POC1B: variants seen among roughly 807,000 people sequenced by gnomAD.
POC1B encodes POC1 centriolar protein homolog B.
POC1B carries 44 observed loss-of-function variants against 60.6 expected under a neutral mutation model. The observed-to-expected ratio is 0.73, with a 90% CI of 0.57 to 0.93. The LOEUF (loss-of-function observed/expected upper bound fraction) is 0.93, where lower values mean the gene tolerates loss of function less well. Ranked by LOEUF, POC1B falls within the 40% of genes least tolerant of loss-of-function variation. The pLI is 0.00. For synonymous variants in POC1B, 180 were observed against 198.9 expected, an observed-to-expected ratio of 0.90 and a Z score of 0.80; for missense variants, 555 against 572.3, an observed-to-expected ratio of 0.97 and a Z score of 0.31.
intron 2 of POC1B, chr12:89,502,090 T>C (rs1040093250): frequency 5.4e-6 from 6 of 1,108,182 alleles, no homozygotes; most frequent in African/African-American, 1.5e-5. Context: ...TGGATATACA[T>C]GTAATACACC....
At chr12:89,461,844 C>G (rs1882497770) in intron 9 of POC1B, 2 of 152,194 alleles carry the variant, frequency 1.3e-5, no homozygotes, top group Admixed American at 6.5e-5. Context: ...GCCATTAACT[C>G]TAAGTCCAGA....
chr12:89,514,402 CTTTTTT>C (rs60679774), intron 2 of POC1B, among the ~76,000 whole-genome samples: 14 of 67,092 alleles, frequency 2.1e-4, no homozygotes, highest in African/African-American at 4.8e-4. Flanking sequence ...TCATGTATTT[CTTTTTT>C]TTTTTTTTTT....
At chr12:89,465,803 C>T (rs954696325) in intron 9 of POC1B, among the ~76,000 whole-genome samples, 6 of 152,046 alleles carry the variant, frequency 3.9e-5, no homozygotes, top group African/African-American at 1.2e-4. Flanking sequence ...AGGCAGAAAT[C>T]CCAAGATATG....
intron 2 of POC1B, among the ~76,000 whole-genome samples, chr12:89,513,318 A>C (rs931829178): frequency 1.3e-5 from 2 of 152,162 alleles, no homozygotes; most frequent in African/African-American, 2.4e-5. Context: ...AAGTAACTAA[A>C]AAGTTCAAAT....
At chr12:89,488,841 G>C (rs999669990) in intron 4 of POC1B, among the ~76,000 whole-genome samples, 2 of 152,092 alleles carry the variant, frequency 1.3e-5, no homozygotes, top group Non-Finnish European at 2.9e-5. Flanking sequence ...ATTTTGCTTA[G>C]TTAAATCAAC....
chr12:89,464,109 C>T lies in POC1B; in HGVS notation c.1032+2661G>A, dbSNP rs984785718. On this transcript the variant is annotated intron_variant, in intron 9 of 11. Coordinates refer to ENST00000313546, the MANE Select transcript of POC1B (RefSeq NM_172240.3). ...GTTCACTTAGATACCATTTATTCTA[C>T]ATATTTTAATAAGATGTTTATTTTC... Among the ~76,000 whole-genome samples the T allele has an allele frequency of 3.9e-5, 6 of 152,260 alleles. No individual in the cohort carries two copies. In the South Asian group the frequency reaches 1.2e-3, roughly 32 times the overall value.
At chr12:89,479,690 T>C (rs1883247080) in intron 4 of POC1B, among the ~76,000 whole-genome samples, 2 of 150,256 alleles carry the variant, frequency 1.3e-5, no homozygotes, top group African/African-American at 4.9e-5. Context: ...AACAAACTCA[T>C]AGAAAGTACT....
At chr12:89,459,111 A>G (rs1882371570) in intron 10 of POC1B, among the ~76,000 whole-genome samples, 1 of 152,076 alleles carries the variant, frequency 6.6e-6, no homozygotes, top group African/African-American at 2.4e-5. Context: ...AAATAACACA[A>G]TAGGGAATCT....
intron 10 of POC1B, among the ~76,000 whole-genome samples, chr12:89,453,831 TTCTC>T (rs1466375146): frequency 8.5e-5 from 13 of 152,356 alleles, no homozygotes; most frequent in Non-Finnish European, 1.8e-4. Context: ...CATGGAAATA[TTCTC>T]TCTGTGTCTG....
chr12:89,416,359 T>C (rs1880364762), downstream of POC1B, among the ~76,000 whole-genome samples: 1 of 152,074 alleles, frequency 6.6e-6, no homozygotes, highest in Non-Finnish European at 1.5e-5. Context: ...GCATGCTCAA[T>C]ATAAGTGGAA....
intron 10 of POC1B, among the ~76,000 whole-genome samples, chr12:89,444,263 G>A (rs2120737382): frequency 6.6e-6 from 1 of 152,268 alleles, no homozygotes; most frequent in Middle Eastern, 3.4e-3. Flanking sequence ...TATGAGGACA[G>A]CATCATCCTG....
At chr12:89,465,970 T>C (rs1359746550) in intron 9 of POC1B, among the ~76,000 whole-genome samples, 1 of 152,226 alleles carries the variant, frequency 6.6e-6, no homozygotes, top group African/African-American at 2.4e-5. Flanking sequence ...TGAGGGTACA[T>C]GCACAGCATG....
At chr12:89,524,937 G>C in intron 2 of POC1B, 183 bp downstream of exon 2, 1 of 966,484 alleles carries the variant, frequency 1.0e-6, no homozygotes, top group Non-Finnish European at 1.5e-6. Context: ...CGGGGGCTGG[G>C]GGCCGGGATG....
chr12:89,423,604 C>A (rs956280959), intron 11 of POC1B, among the ~76,000 whole-genome samples: 1 of 152,200 alleles, frequency 6.6e-6, no homozygotes, highest in South Asian at 2.1e-4. Context: ...CACCGTCCAA[C>A]TTAGTTAGGT....
chr12:89,456,757 C>T (rs1882278152), intron 10 of POC1B, among the ~76,000 whole-genome samples: 1 of 152,010 alleles, frequency 6.6e-6, no homozygotes, highest in Non-Finnish European at 1.5e-5. Context: ...GTGCAAGCCA[C>T]AAAGATACCA....
At chr12:89,415,935 A>T (rs1180294324), downstream of POC1B, among the ~76,000 whole-genome samples, 1 of 152,214 alleles carries the variant, frequency 6.6e-6, no homozygotes, top group Admixed American at 6.5e-5. Flanking sequence ...TTAGCCCCAA[A>T]TATCGAGTGT....
At chr12:89,440,386 C>T (rs2120719930) in intron 10 of POC1B, among the ~76,000 whole-genome samples, 1 of 152,290 alleles carries the variant, frequency 6.6e-6, no homozygotes, top group South Asian at 2.1e-4. Context: ...ATGCCAGGTA[C>T]ATAAAAGTCT....
In POC1B at chr12:89,421,174, A is replaced by G; in HGVS notation, c.1416T>C (p.Ser472=). Residue 472 remains serine (S), a synonymous_variant, in exon 12 of 12, where the codon AGT becomes AGC. Coordinates refer to ENST00000313546, the MANE Select transcript of POC1B (RefSeq NM_172240.3). ...TTATTCAGCTTTTCTGTTGGACAGC[A>G]CTGAAAAGCTTTTGCTGATTTTCAA... ...DCLENQQKLF[S]AVQQKS is the part of the protein sequence containing the mutation. 1 of 1,598,976 alleles carries G rather than the reference A, an allele frequency of 6.3e-7. No individual in the cohort carries two copies.
chr12:89,421,354 T>C, intron 11 of POC1B, 97 bp from the exon 12 acceptor site: 2 of 997,690 alleles, frequency 2.0e-6, no homozygotes, highest in Non-Finnish European at 2.9e-6. Flanking sequence ...AGAACTGGGA[T>C]GCCCACCCTT....
Sources: gnomAD v4.1 joint callset for allele counts (sites outside exome capture counted in the v4.1 genomes callset) on GRCh38, gnomAD v4.1.1 for gene constraint, MANE v1.5 for transcripts, NCBI Gene and HGNC (gene_info 2026-07-23, HGNC 2026-07-21) for gene names.